CCDC154: variants seen among roughly 807,000 people sequenced by gnomAD.
CCDC154 encodes the protein coiled-coil domain containing 154.
In CCDC154, 91 loss-of-function variants were observed where a neutral mutation model predicts 87.5. The ratio of observed to expected loss-of-function variants is 1.04; its 90% CI spans 0.88 to 1.24. The LOEUF is 1.24. Ranked by LOEUF, CCDC154 falls within the 50% of genes most tolerant of loss-of-function variation. The probability of loss-of-function intolerance (pLI) is 0.00; values close to 1 mark genes in which losing one functional copy is unlikely to be tolerated. For missense variants in CCDC154, 903 were observed against 879.2 expected, an observed-to-expected ratio of 1.03 and a Z score of -0.34; for synonymous variants, 418 against 400.4, an observed-to-expected ratio of 1.04 and a Z score of -0.52.
chr16:1,434,875 T>G, intron 15 of CCDC154, 23 bp from the exon 16 acceptor site: 1 of 1,479,728 alleles, frequency 6.8e-7, no homozygotes, highest in Non-Finnish European at 9.0e-7. Flanking sequence ...GATGCTGGTG[T>G]CACCCAGGAG....
Position 1,444,435 on chromosome 16 carries a change from CCGTG to C in CCDC154, c.-117_-114del, listed in dbSNP as rs1201720653. The stretch of plus-strand genomic sequence containing the variant: ...GGGGGGTCAGGAGCCAGAGGAAGTC[CCGTG>C]AGAGCTCTGGGCCTTGAGGGACGAG... On this transcript the variant is annotated 5_prime_UTR_variant, in exon 1 of 17. Coordinates refer to ENST00000389176, the MANE Select transcript of CCDC154 (RefSeq NM_001143980.3). The C allele has an allele frequency of 9.0e-7, 1 of 1,107,562 alleles. No homozygotes were observed. The highest frequency in any genetic ancestry group is 1.6e-5 in the African/African-American group (1 of 61,244). 68.6% of individuals were successfully genotyped at this position (1,107,562 alleles called of 1,614,324 possible).
intron 9 of CCDC154, 51 bp downstream of exon 9, chr16:1,438,568 G>T: frequency 6.7e-7 from 1 of 1,483,228 alleles, no homozygotes; most frequent in Non-Finnish European, 9.2e-7. Flanking sequence ...TCCTGAGTGG[G>T]ACATCAGGGG....
chr16:1,442,613 G>A lies in CCDC154; in HGVS notation c.552-84C>T. On this transcript the variant is annotated intron_variant, in intron 5 of 16. Coordinates refer to ENST00000389176, the MANE Select transcript of CCDC154 (RefSeq NM_001143980.3). ...GGCTGACCCACAGGCTGGCCAGGCAGGAGGTGTACGACCCCCGCCCCCTGC... is the reference window on the plus strand; with the variant it reads ...GGCTGACCCACAGGCTGGCCAGGCAAGAGGTGTACGACCCCCGCCCCCTGC... The A allele has an allele frequency of 2.8e-6, 4 of 1,413,572 alleles. No individual in the cohort carries two copies. In the African/African-American group the frequency reaches 4.3e-5, roughly 15 times the overall value. 87.6% of individuals were successfully genotyped at this position (1,413,572 alleles called of 1,614,324 possible).
chr16:1,443,350 G>T (rs915391114), intron 3 of CCDC154, 49 bp from the exon 4 acceptor site: 3 of 1,529,228 alleles, frequency 2.0e-6, no homozygotes, highest in South Asian at 1.2e-5. Context: ...CCCGGGTCTG[G>T]CACCTGCCCC....
rs1024176640 is a variant in CCDC154, at chr16:1,443,589, C to T, written c.331G>A (p.Val111Met). The change falls in exon 3 of 17, where the codon GTG becomes ATG. Residue 111 changes from valine to methionine, a missense_variant. Physicochemically the swap from Val to Met is conservative, Grantham distance 21. Coordinates refer to ENST00000389176, the MANE Select transcript of CCDC154 (RefSeq NM_001143980.3). ...LRELLQVRAR[V>M]QLQGSELRQL... ...CTCAGCTCTGAGCCCTGCAGCTGCACGCGGGCCCGCACCTGGAGCAGCTCC... is the reference window on the plus strand; with the variant it reads ...CTCAGCTCTGAGCCCTGCAGCTGCATGCGGGCCCGCACCTGGAGCAGCTCC... 1.3e-5 allele frequency: 19 copies of T among 1,457,416 alleles called. No homozygotes were observed. The highest frequency in any genetic ancestry group is 8.5e-5 in the African/African-American group (6 of 70,262). 90.3% of individuals were successfully genotyped at this position (1,457,416 alleles called of 1,614,324 possible). A position where few individuals can be genotyped will look rare whatever the true frequency, so the allele number is the denominator to read the frequency against.
rs983130362 is a variant in CCDC154, at chr16:1,434,491, G to A, written c.1921C>T (p.Arg641Trp). 7.1e-6 allele frequency: 11 copies of A among 1,549,564 alleles called. No homozygotes were observed. The highest frequency in any genetic ancestry group is 5.9e-5 in the South Asian group (5 of 84,052). ...TTCTCCAGGACCCCTCCTGGCCTCC[G>A]CAGGGCCCTGAGCTTTATGAGGGAC... ...KASLIKLRAL[R>W]RPGGVLEKPH... The change falls in exon 17 of 17, where the codon CGG becomes TGG. Residue 641 changes from arginine to tryptophan, a missense_variant. Arg to Trp is a moderately radical substitution (Grantham distance 101). Coordinates refer to ENST00000389176, the MANE Select transcript of CCDC154 (RefSeq NM_001143980.3).
At chr16:1,443,437 GC>G in intron 3 of CCDC154, 68 bp downstream of exon 3, 1 of 1,430,164 alleles carries the variant, frequency 7.0e-7, no homozygotes, top group Non-Finnish European at 9.1e-7. Context: ...TGGGCTCCAG[GC>G]CCAGAAGCAG....
At chr16:1,443,741 G>A (rs893083170) in intron 2 of CCDC154, 46 bp from the exon 3 acceptor site, 1 of 1,302,546 alleles carries the variant, frequency 7.7e-7, no homozygotes, top group African/African-American at 1.5e-5. Flanking sequence ...CCGCCGTGGA[G>A]GCGGAGGCGG....
intron 6 of CCDC154, 148 bp downstream of exon 6, chr16:1,442,258 A>T: frequency 1.0e-6 from 1 of 988,768 alleles, no homozygotes; most frequent in Non-Finnish European, 1.4e-6. Flanking sequence ...TGAGGAATTG[A>T]GTTTTACATT....
intron 6 of CCDC154, among the ~76,000 whole-genome samples, chr16:1,440,977 G>A (rs1249050191): frequency 6.6e-6 from 1 of 151,630 alleles, no homozygotes; most frequent in Non-Finnish European, 1.5e-5. Context: ...AAATTAGCCA[G>A]GCATGGTGGC....
In CCDC154 at chr16:1,434,589, C is replaced by T. The variant is rs1190880211; in HGVS notation, c.1878-55G>A. The T allele has an allele frequency of 2.2e-5, 33 of 1,521,988 alleles. 2 individuals are homozygous for T. In the South Asian group the frequency reaches 3.9e-4, roughly 18 times the overall value. 94.3% of individuals were successfully genotyped at this position (1,521,988 alleles called of 1,614,324 possible). ...CACCCCCGCCCCACCCCCCATGGCCCACCTGCTGCCTGTGGGCCCCCAGCC... is the reference window on the plus strand; with the variant it reads ...CACCCCCGCCCCACCCCCCATGGCCTACCTGCTGCCTGTGGGCCCCCAGCC... On this transcript the variant is annotated intron_variant, in intron 16 of 16. Coordinates refer to ENST00000389176, the MANE Select transcript of CCDC154 (RefSeq NM_001143980.3).
In CCDC154 at chr16:1,437,798, C is replaced by T. The variant is rs921920470; in HGVS notation, c.1290+19G>A. On this transcript the variant is annotated intron_variant, in intron 11 of 16. Transcript: ENST00000389176. ...GACTCCCCATAGCCCCGCCTGCCCC[C>T]GCCCGCTGCCTGGCGCACCTCGGAC... 1.1e-5 allele frequency: 17 copies of T among 1,518,996 alleles called. No homozygotes were observed. The highest frequency in any genetic ancestry group is 2.8e-5 in the African/African-American group (2 of 72,664). The allele number at this position is 1,518,996 out of a possible 1,614,324, so 94.1% of individuals were successfully genotyped here.
At chr16:1,444,114 C>T (rs2142358934) in intron 1 of CCDC154, 102 bp from the exon 2 acceptor site, 4 of 1,049,550 alleles carry the variant, frequency 3.8e-6, no homozygotes, top group Non-Finnish European at 5.1e-6. Context: ...GCCCACCACC[C>T]AGAGCTCAAC....
Position 1,436,785 on chromosome 16 carries a change from C to T in CCDC154, c.1317G>A (p.Glu439=), listed in dbSNP as rs1279021702. ...SEAKTEWEGA[E]RKSLEDLARW... Reference sequence around the variant, plus strand: ...TGGCCAGGTCCTCCAGGGACTTCCTCTCTGCACCTTCCCATTCGGTCTTTG... The same window carrying T: ...TGGCCAGGTCCTCCAGGGACTTCCTTTCTGCACCTTCCCATTCGGTCTTTG... Residue 439 remains glutamate, a synonymous_variant, in exon 12 of 17, where the codon GAG becomes GAA. Transcript: ENST00000389176. The T allele has an allele frequency of 6.4e-7, 1 of 1,550,468 alleles. No homozygotes were observed. Among genetic ancestry groups the T allele is most frequent in the African/African-American group, 1.4e-5 (1 of 73,050 alleles).
At chr16:1,437,099 C>T (rs1317508211) in intron 11 of CCDC154, 1 of 452,418 alleles carries the variant, frequency 2.2e-6, no homozygotes, top group African/African-American at 2.0e-5. Context: ...CCCCGAAACG[C>T]AGGGTGTCGC....
At position 1,443,859 on chromosome 16, in the gene CCDC154, G is replaced by T; in HGVS notation, c.161C>A (p.Pro54Gln). Residue 54 changes from proline to glutamine, a missense_variant, in exon 2 of 17, where the codon CCG becomes CAG. By Grantham distance (76) the Pro-to-Gln change is moderately conservative. Coordinates refer to ENST00000389176, the MANE Select transcript of CCDC154 (RefSeq NM_001143980.3). ...CTCGGGGACAGAGGCCGTGGATGTC[G>T]GATGGCTGGACTCATACCTCTCCGA... ...ELSERYESSH[P>Q]TSTASVPEQD... The T allele has an allele frequency of 7.7e-7, 1 of 1,304,312 alleles. No homozygotes were observed. The allele number at this position is 1,304,312 out of a possible 1,614,324, so 80.8% of individuals were successfully genotyped here. A position where few individuals can be genotyped will look rare whatever the true frequency, so the allele number is the denominator to read the frequency against.
rs780763399 is a variant in CCDC154, at chr16:1,438,595, C to T, written c.1025+24G>A. 4 of 1,539,820 alleles carry T rather than the reference C, an allele frequency of 2.6e-6. No homozygotes were observed. The South Asian group carries it at 4.8e-5, about 18-fold the overall frequency. On this transcript the variant is annotated intron_variant, in intron 9 of 16. Transcript: ENST00000389176. ...CATCAGGGGTCCCCCCGCCTGACAG[C>T]ACCTGAGGCCCCAGGACACCCACCA...
intron 5 of CCDC154, 25 bp downstream of exon 5, chr16:1,442,855 C>A: frequency 1.3e-6 from 2 of 1,543,748 alleles, no homozygotes; most frequent in Non-Finnish European, 1.7e-6. Flanking sequence ...AGCTCCGGAG[C>A]CAGCCACGGG....
chr16:1,438,199 C>T, intron 9 of CCDC154, 23 bp from the exon 10 acceptor site: 2 of 1,509,248 alleles, frequency 1.3e-6, no homozygotes, highest in South Asian at 1.3e-5. Context: ...GACACATAGA[C>T]ACCCTCAGTG....
Sources: allele counts gnomAD v4.1 joint callset (sites outside exome capture counted in the v4.1 genomes callset), GRCh38; gene constraint gnomAD v4.1.1; transcripts MANE v1.5; gene names NCBI Gene and HGNC (gene_info 2026-07-23, HGNC 2026-07-21).